GLI3: variants seen among roughly 807,000 people sequenced by gnomAD.
GLI3 encodes the protein GLI family zinc finger 3.
In GLI3, 20 loss-of-function variants were observed where a neutral mutation model predicts 100.8. The observed-to-expected ratio is 0.20, with a 90% confidence interval of 0.14 to 0.29. GLI3 has a LOEUF of 0.29. Ranked by LOEUF, GLI3 falls within the 10% of genes least tolerant of loss-of-function variation. GLI3 has a pLI of 1.00. For missense variants in GLI3, 2,040 were observed against 2,128.5 expected, an observed-to-expected ratio of 0.96 and a Z score of 0.82; for synonymous variants, 938 against 860.5, an observed-to-expected ratio of 1.09 and a Z score of -1.58.
intron 3 of GLI3, among the ~76,000 whole-genome samples, chr7:42,106,364 T>C (rs1452098529): frequency 6.6e-6 from 1 of 152,166 alleles, no homozygotes; most frequent in East Asian, 1.9e-4. Context: ...CTCTTGCTCC[T>C]GCAGAAATCT....
intron 10 of GLI3, among the ~76,000 whole-genome samples, chr7:42,009,268 G>A (rs1217256335): frequency 2.6e-5 from 4 of 152,074 alleles, no homozygotes; most frequent in African/African-American, 4.8e-5. Context: ...ATATCAGCCC[G>A]GTCTAGTGTG....
At chr7:42,171,319 A>G (rs951921059) in intron 2 of GLI3, among the ~76,000 whole-genome samples, 5 of 152,224 alleles carry the variant, frequency 3.3e-5, no homozygotes, top group Admixed American at 6.5e-5. Context: ...TTTTTAAAAA[A>G]CTTTTCCTAT....
At chr7:42,243,435 C>A (rs1454769321) in intron 1 of GLI3, among the ~76,000 whole-genome samples, 2 of 152,174 alleles carry the variant, frequency 1.3e-5, no homozygotes, top group East Asian at 3.9e-4. Flanking sequence ...AGTAGCCTCA[C>A]TTCTTTGGTG....
upstream of GLI3, among the ~76,000 whole-genome samples, chr7:42,242,008 C>T (rs1442589370): frequency 6.6e-6 from 1 of 152,128 alleles, no homozygotes; most frequent in Non-Finnish European, 1.5e-5. Flanking sequence ...ACTTCAGTAA[C>T]CAGTGTTTTC....
chr7:42,080,877 C>T (rs1287368875), intron 3 of GLI3, among the ~76,000 whole-genome samples: 2 of 152,114 alleles, frequency 1.3e-5, no homozygotes, highest in Non-Finnish European at 2.9e-5. Context: ...AGGCCCTTGT[C>T]GCCAGAGCCG....
chr7:42,033,258 T>C (rs1789346784), intron 7 of GLI3, among the ~76,000 whole-genome samples: 1 of 152,216 alleles, frequency 6.6e-6, no homozygotes, highest in East Asian at 1.9e-4. Flanking sequence ...CTTGTAAATG[T>C]AAAATCAACT....
intron 1 of GLI3, among the ~76,000 whole-genome samples, chr7:42,251,887 T>C (rs1281644523): frequency 6.6e-6 from 1 of 151,948 alleles, no homozygotes; most frequent in Non-Finnish European, 1.5e-5. Flanking sequence ...TGGCAAGTTA[T>C]CTAGTGTGAT....
intron 2 of GLI3, chr7:42,150,231 T>G (rs1786821785): frequency 6.6e-6 from 1 of 152,238 alleles, no homozygotes; most frequent in Non-Finnish European, 1.5e-5. Context: ...TCTCACATGT[T>G]CACATTGATC....
In GLI3 at chr7:42,040,202, C is replaced by A. The variant is rs139026838; in HGVS notation, c.864G>T (p.Pro288=). The A allele has an allele frequency of 3.7e-6, 6 of 1,613,856 alleles. No individual in the cohort carries two copies. Among genetic ancestry groups the A allele is most frequent in the African/African-American group, 2.7e-5 (2 of 74,888 alleles). Reference sequence around the variant, plus strand: ...ATATGGACAGTGTACGTTTTCGGCTCGGCCTGGCTGACAGCCTGGGGCTGG... The same window carrying A: ...ATATGGACAGTGTACGTTTTCGGCTAGGCCTGGCTGACAGCCTGGGGCTGG... ...RFSSPRLSAR[P]SRKRTLSISP... Residue 288 remains proline (P), a synonymous_variant, in exon 7 of 15, where the codon CCG becomes CCT. Coordinates refer to ENST00000395925, the MANE Select transcript of GLI3 (RefSeq NM_000168.6).
chr7:42,191,725 A>AT (rs1416575396), intron 2 of GLI3, among the ~76,000 whole-genome samples: 2 of 152,008 alleles, frequency 1.3e-5, no homozygotes, highest in African/African-American at 4.8e-5. Context: ...AGCCCTTAAC[A>AT]TATTAACTCA....
In GLI3 at chr7:42,022,473, A is replaced by G. The variant is rs541906716; in HGVS notation, c.1497+995T>C. ...TGTAAAAAAAAGAATGTACCACGAA[A>G]GAGAAAGTGGAGAGAGAAAGAGAAA... On this transcript the variant is annotated intron_variant, in intron 10 of 14. Coordinates refer to ENST00000395925, the MANE Select transcript of GLI3 (RefSeq NM_000168.6). 1.1e-4 allele frequency among the ~76,000 whole-genome samples: 17 copies of G among 152,334 alleles called. No homozygotes were observed. In the South Asian group the frequency reaches 1.9e-3, roughly 17 times the overall value.
intron 3 of GLI3, among the ~76,000 whole-genome samples, chr7:42,094,321 G>C (rs980213912): frequency 6.6e-6 from 1 of 152,194 alleles, no homozygotes; most frequent in Non-Finnish European, 1.5e-5. Context: ...CAATTCACTA[G>C]ACAGGGTGTG....
chr7:42,026,171 G>C lies in GLI3; in HGVS notation c.1242+28C>G, dbSNP rs750575344. 20 of 1,549,266 alleles carry C rather than the reference G, an allele frequency of 1.3e-5. No individual in the cohort carries two copies. In the South Asian group the frequency reaches 2.2e-4, roughly 17 times the overall value. On this transcript the variant is annotated intron_variant, in intron 8 of 14. Coordinates refer to ENST00000395925, the MANE Select transcript of GLI3 (RefSeq NM_000168.6). ...CCCCCACCCTCGGCTGACCAGCACG[G>C]CCGGGTGCATCGACCTGTCCCTCTC...
At chr7:42,146,303 A>G (rs1235418560) in intron 3 of GLI3, among the ~76,000 whole-genome samples, 1 of 152,202 alleles carries the variant, frequency 6.6e-6, no homozygotes, top group Admixed American at 6.5e-5. Flanking sequence ...TCATTAGTTA[A>G]TAGGACATTG....
intron 3 of GLI3, among the ~76,000 whole-genome samples, chr7:42,107,787 C>T (rs569073021): frequency 5.9e-5 from 9 of 152,312 alleles, no homozygotes; most frequent in South Asian, 2.1e-4. Flanking sequence ...CATCTCTTCA[C>T]GCCTGCTCAA....
intron 10 of GLI3, among the ~76,000 whole-genome samples, chr7:41,997,988 C>T (rs1006967944): frequency 6.6e-6 from 1 of 152,122 alleles, no homozygotes; most frequent in Non-Finnish European, 1.5e-5. Context: ...GAAGACATCT[C>T]CTATATGCCG....
intron 4 of GLI3, among the ~76,000 whole-genome samples, chr7:42,059,739 A>G (rs1413919958): frequency 6.6e-6 from 1 of 152,224 alleles, no homozygotes; most frequent in Admixed American, 6.5e-5. Flanking sequence ...TTTTCTAGAC[A>G]GTTTCCTAAC....
At chr7:42,089,028 C>T (rs1785162477) in intron 3 of GLI3, among the ~76,000 whole-genome samples, 2 of 152,224 alleles carry the variant, frequency 1.3e-5, no homozygotes, top group African/African-American at 4.8e-5. Flanking sequence ...TAACCCCTGG[C>T]TTCTAGACCA....
At chr7:42,191,670 A>G (rs1023747522) in intron 2 of GLI3, among the ~76,000 whole-genome samples, 8 of 150,604 alleles carry the variant, frequency 5.3e-5, no homozygotes, top group African/African-American at 1.9e-4. Flanking sequence ...ATATATATAT[A>G]TATAATATTT....
Sources: allele counts gnomAD v4.1 joint callset (sites outside exome capture counted in the v4.1 genomes callset), GRCh38; gene constraint gnomAD v4.1.1; transcripts MANE v1.5; gene names NCBI Gene and HGNC (gene_info 2026-07-23, HGNC 2026-07-21).